The following CNBD1 variants were observed in gnomAD, a reference collection of about 807,000 sequenced individuals.
The protein encoded by CNBD1 is cyclic nucleotide binding domain containing 1, also known as cyclic nucleotide-binding domain-containing protein 1.
CNBD1 carries 71 observed loss-of-function variants against 54.4 expected under a neutral mutation model. That is an observed-to-expected ratio of 1.30 (90% CI 1.08 to 1.59). The LOEUF (loss-of-function observed/expected upper bound fraction) is 1.59. CNBD1 is among the 40% of genes most tolerant of loss of function. CNBD1 has a pLI of 0.00. For synonymous variants in CNBD1, 182 were observed against 170.7 expected, an observed-to-expected ratio of 1.07 and a Z score of -0.51; for missense variants, 659 against 518.0, an observed-to-expected ratio of 1.27 and a Z score of -2.64.
chr8:87,279,165 A>T (rs937033897), intron 6 of CNBD1, among the ~76,000 whole-genome samples: 2 of 151,534 alleles, frequency 1.3e-5, no homozygotes, highest in Non-Finnish European at 3.0e-5. Context: ...ATGCAAAAAC[A>T]GTCTGGAATG....
rs549020461 is a variant in CNBD1, at chr8:87,164,047, A to G, written c.432-41946A>G. Among the ~76,000 whole-genome samples the G allele has an allele frequency of 2.0e-5, 3 of 152,062 alleles. No individual in the cohort carries two copies. The South Asian group carries it at 6.2e-4, about 31-fold the overall frequency. On this transcript the variant is annotated intron_variant, in intron 4 of 10. Transcript: ENST00000518476. ...TAAAACGCTTTTTCAGCATTTATTG[A>G]ATTGATCATATTATTTTTATCCTTT...
intron 4 of CNBD1, among the ~76,000 whole-genome samples, chr8:87,039,482 G>A (rs1586215435): frequency 6.6e-6 from 1 of 151,966 alleles, no homozygotes; most frequent in Non-Finnish European, 1.5e-5. Flanking sequence ...ATTTACTAGA[G>A]GTTTATCTAT....
intron 2 of CNBD1, among the ~76,000 whole-genome samples, chr8:87,388,352 G>A (rs571479068): frequency 2.4e-4 from 32 of 132,212 alleles, no homozygotes; most frequent in Admixed American, 7.3e-4. Context: ...TTGATAGACC[G>A]CTAGAAAGAC....
At chr8:87,211,675 T>A (rs1349329744) in intron 5 of CNBD1, among the ~76,000 whole-genome samples, 2 of 152,180 alleles carry the variant, frequency 1.3e-5, no homozygotes, top group Non-Finnish European at 2.9e-5. Context: ...TTTTACCTTC[T>A]ACTATGAGTA....
intron 4 of CNBD1, among the ~76,000 whole-genome samples, chr8:87,003,796 TG>T (rs1809040547): frequency 6.6e-6 from 1 of 152,140 alleles, no homozygotes; most frequent in South Asian, 2.1e-4. Flanking sequence ...GTGGTAACAG[TG>T]GGCTGGATCA....
chr8:87,043,969 T>C (rs948024487), intron 4 of CNBD1, among the ~76,000 whole-genome samples: 1 of 152,224 alleles, frequency 6.6e-6, no homozygotes, highest in Non-Finnish European at 1.5e-5. Flanking sequence ...TTGGACTTTA[T>C]TGCTTTAATG....
intron 6 of CNBD1, among the ~76,000 whole-genome samples, chr8:87,274,099 C>G (rs1483402053): frequency 6.6e-6 from 1 of 152,026 alleles, no homozygotes; most frequent in Non-Finnish European, 1.5e-5. Flanking sequence ...AAGACATGAG[C>G]TCATCATTTT....
In CNBD1 at chr8:87,092,783, C is replaced by T. The variant is rs73693021; in HGVS notation, c.432-113210C>T. The stretch of plus-strand genomic sequence containing the variant: ...ATGTCATCACCTCACAGATTTGTAA[C>T]GCCAGCTGGTACCTCTCTTCTGAGC... On this transcript the variant is annotated intron_variant, in intron 4 of 10. Transcript: ENST00000518476. 4.3e-3 allele frequency among the ~76,000 whole-genome samples: 657 copies of T among 152,144 alleles called. 6 individuals are homozygous for T. The highest frequency in any genetic ancestry group is 0.015 in the African/African-American group (610 of 41,514).
chr8:87,352,478 C>CAA (rs386413278), intron 9 of CNBD1, among the ~76,000 whole-genome samples: 4,071 of 107,392 alleles, frequency 0.038, 134 homozygotes, highest in Non-Finnish European at 0.052. Context: ...GACTCTGTCT[C>CAA]AAAAAAAAAA....
intron 8 of CNBD1, among the ~76,000 whole-genome samples, chr8:87,321,086 T>A (rs1809517476): frequency 6.6e-6 from 1 of 152,158 alleles, no homozygotes. Flanking sequence ...TTACCCATTC[T>A]TTTGTCAATA....
At chr8:87,063,216 T>G (rs1810581308) in intron 4 of CNBD1, among the ~76,000 whole-genome samples, 1 of 152,180 alleles carries the variant, frequency 6.6e-6, no homozygotes, top group African/African-American at 2.4e-5. Context: ...AAAATACATA[T>G]AAATCCCATG....
intron 2 of CNBD1, among the ~76,000 whole-genome samples, chr8:86,897,708 C>T (rs904394019): frequency 1.3e-5 from 2 of 152,168 alleles, no homozygotes; most frequent in Non-Finnish European, 2.9e-5. Flanking sequence ...CCTGCGCCTT[C>T]TATTGGCAAA....
intron 4 of CNBD1, among the ~76,000 whole-genome samples, chr8:87,204,599 C>A (rs1813930011): frequency 6.6e-6 from 1 of 152,058 alleles, no homozygotes; most frequent in Admixed American, 6.6e-5. Flanking sequence ...CAGAACTAAG[C>A]AAACAAAACA....
At chr8:87,260,696 C>T (rs986688795) in intron 6 of CNBD1, among the ~76,000 whole-genome samples, 1 of 152,006 alleles carries the variant, frequency 6.6e-6, no homozygotes, top group East Asian at 1.9e-4. Context: ...CTCACCATAC[C>T]ATAGCCATGG....
intron 8 of CNBD1, among the ~76,000 whole-genome samples, chr8:87,343,521 C>CA (rs1319329820): frequency 2.0e-5 from 3 of 152,118 alleles, no homozygotes; most frequent in Non-Finnish European, 2.9e-5. Context: ...CTTCCCGCAA[C>CA]AAAAAACAGA....
chr8:87,411,397 CATATATATATATATATATATAT>C lies in CNBD1; in HGVS notation c.214-17140_214-17119del, dbSNP rs6150689. ...ATAGGCAGGATTAACCTAGCTATAT[CATATATATATATATATATATAT>C]ATATATATTTCATTCACACATATTT... On this transcript the variant is annotated intron_variant, in intron 2 of 7. Transcript: ENST00000521593. 3.9e-4 allele frequency among the ~76,000 whole-genome samples: 36 copies of C among 92,402 alleles called. 1 individual carries two copies. The South Asian group carries it at 8.2e-3, about 21-fold the overall frequency. 60.6% of individuals were successfully genotyped at this position (92,402 alleles called of 152,430 possible). A position where few individuals can be genotyped will look rare whatever the true frequency, so the allele number is the denominator to read the frequency against.
intron 8 of CNBD1, among the ~76,000 whole-genome samples, chr8:87,297,842 C>T (rs898648038): frequency 6.6e-6 from 1 of 151,830 alleles, no homozygotes; most frequent in Admixed American, 6.6e-5. Context: ...TATCTTAGAT[C>T]TTAATCTTTA....
rs569625312 is a variant in CNBD1 at position 87,363,705 on chromosome 8, G to GT, written c.1303+9926dup. Among the ~76,000 whole-genome samples the GT allele has an allele frequency of 5.4e-3, 819 of 151,974 alleles. 6 individuals are homozygous for GT. The highest frequency in any genetic ancestry group is 0.019 in the African/African-American group (775 of 41,478). On this transcript the variant is annotated intron_variant, in intron 10 of 10. Coordinates refer to ENST00000518476, the MANE Select transcript of CNBD1 (RefSeq NM_173538.3). ...CGCCCACTTTTTGATGGGGTTGTTT[G>GT]TTTTTTTCTTGTGATTTTGTTTAAG...
At chr8:87,349,916 T>C (rs1374782658) in intron 8 of CNBD1, among the ~76,000 whole-genome samples, 1 of 152,206 alleles carries the variant, frequency 6.6e-6, no homozygotes, top group African/African-American at 2.4e-5. Flanking sequence ...GTGGCCTTAT[T>C]CCTCTTTGTT....
Sources: allele counts gnomAD v4.1 joint callset (sites outside exome capture counted in the v4.1 genomes callset), GRCh38; gene constraint gnomAD v4.1.1; transcripts MANE v1.5; gene names NCBI Gene and HGNC (gene_info 2026-07-23, HGNC 2026-07-21).